Variants in RIMS1 observed in about 807,000 individuals in gnomAD.
RIMS1 encodes regulating synaptic membrane exocytosis 1, also known as regulating synaptic membrane exocytosis protein 1.
A neutral mutation model predicts 214.1 loss-of-function variants in RIMS1; 83 were observed. That is an observed-to-expected ratio of 0.39 (90% confidence interval 0.32 to 0.47). The LOEUF (loss-of-function observed/expected upper bound fraction) is 0.47. Ranked by LOEUF, RIMS1 falls within the 20% of genes least tolerant of loss-of-function variation. RIMS1 has a pLI of 0.99. For missense variants in RIMS1, 2,050 were observed against 2,161.8 expected (o/e 0.95, Z 1.03); for synonymous variants, 793 against 786.8 (o/e 1.01, Z -0.13).
intron 29 of RIMS1, among the ~76,000 whole-genome samples, chr6:72,345,610 G>T (rs17746814): frequency 0.19 from 29,127 of 151,636 alleles, 3,469 homozygotes; most frequent in Middle Eastern, 0.27. Flanking sequence ...CTTTTTGATA[G>T]AGATTTTTTA....
chr6:72,290,536 C>T, intron 24 of RIMS1, 143 bp from the exon 25 acceptor site: 1 of 684,990 alleles, frequency 1.5e-6, no homozygotes, highest in Non-Finnish European at 2.4e-6. Context: ...ATTTGAATTC[C>T]ATTTCAATAA....
intron 2 of RIMS1, among the ~76,000 whole-genome samples, chr6:72,091,192 C>A (rs953253337): frequency 6.6e-6 from 1 of 152,184 alleles, no homozygotes; most frequent in African/African-American, 2.4e-5. Context: ...AAAGCCCTCA[C>A]CTGCTCTCAG....
chr6:72,106,095 T>C (rs1459364080), intron 4 of RIMS1, among the ~76,000 whole-genome samples: 1 of 152,210 alleles, frequency 6.6e-6, no homozygotes, highest in East Asian at 1.9e-4. Flanking sequence ...ATTTAACAAA[T>C]ACATTTATTC....
At chr6:72,246,963 A>G (rs368815070) in intron 11 of RIMS1, among the ~76,000 whole-genome samples, 2 of 152,192 alleles carry the variant, frequency 1.3e-5, no homozygotes, top group East Asian at 3.9e-4. Context: ...AAAGGATGAC[A>G]TGAGAATTAA....
intron 1 of RIMS1, among the ~76,000 whole-genome samples, chr6:71,948,243 T>C (rs1035096997): frequency 6.6e-6 from 1 of 152,202 alleles, no homozygotes; most frequent in African/African-American, 2.4e-5. Context: ...GTTCTGATCA[T>C]TAGTGTTGTT....
rs76612296 is a variant in RIMS1 at position 72,301,219 on chromosome 6, C to T, written c.3851-6039C>T. Among the ~76,000 whole-genome samples, 519 of 151,696 alleles carry T rather than the reference C, an allele frequency of 3.4e-3. 1 individual carries two copies. The highest frequency in any genetic ancestry group is 0.014 in the Middle Eastern group (4 of 294). On this transcript the variant is annotated intron_variant, in intron 26 of 33. Transcript: ENST00000521978. ...AGGGAAAATGGGAAACTACTTGGAA[C>T]ATTTTTACACTTACAAGTTGAAAGG...
At chr6:72,217,308 C>T (rs1050834291) in intron 6 of RIMS1, 11 of 1,369,050 alleles carry the variant, frequency 8.0e-6, no homozygotes, top group African/African-American at 1.4e-5. Flanking sequence ...TTTAATTATC[C>T]AAAAGAGTAA....
At chr6:72,109,526 T>G (rs2153817999) in intron 4 of RIMS1, among the ~76,000 whole-genome samples, 1 of 152,206 alleles carries the variant, frequency 6.6e-6, no homozygotes, top group East Asian at 1.9e-4. Flanking sequence ...TTCATGTCCT[T>G]CGCCCACTTT....
At chr6:72,281,829 G>T (rs1410694478) in intron 23 of RIMS1, among the ~76,000 whole-genome samples, 2 of 151,804 alleles carry the variant, frequency 1.3e-5, no homozygotes, top group African/African-American at 4.8e-5. Flanking sequence ...TTCTTACCCT[G>T]GTTTACTTTT....
At chr6:72,389,719 C>T (rs192027890) in intron 29 of RIMS1, among the ~76,000 whole-genome samples, 45 of 152,144 alleles carry the variant, frequency 3.0e-4, no homozygotes, top group East Asian at 1.9e-4. Context: ...TTATATAGGA[C>T]GTATAGATGG....
chr6:72,054,147 A>G (rs1305118479), intron 2 of RIMS1, among the ~76,000 whole-genome samples: 1 of 151,240 alleles, frequency 6.6e-6, no homozygotes, highest in African/African-American at 2.4e-5. Flanking sequence ...CTCATTGTTC[A>G]TCTCCTACTT....
intron 22 of RIMS1, among the ~76,000 whole-genome samples, chr6:72,268,708 G>C (rs2081676530): frequency 6.6e-6 from 1 of 152,074 alleles, no homozygotes; most frequent in Non-Finnish European, 1.5e-5. Context: ...TTTGAATAAT[G>C]CATGTAAAAA....
intron 2 of RIMS1, among the ~76,000 whole-genome samples, chr6:72,064,005 G>C (rs531293961): frequency 6.6e-6 from 1 of 152,040 alleles, no homozygotes; most frequent in Non-Finnish European, 1.5e-5. Flanking sequence ...AAGGAGTCCA[G>C]TCATATTAAA....
rs570774068 is a variant in RIMS1 at position 72,291,612 on chromosome 6, A to G, written c.3738-322A>G. Among the ~76,000 whole-genome samples, 6 of 152,276 alleles carry G rather than the reference A, an allele frequency of 3.9e-5. No individual in the cohort carries two copies. The South Asian group carries it at 1.2e-3, about 32-fold the overall frequency. ...AGATCCAGAGGCTGTAATTAGATGT[A>G]TTTGGTTCAGTACTGCCAAAACTGA... On this transcript the variant is annotated intron_variant, in intron 25 of 33. Transcript: ENST00000521978.
intron 28 of RIMS1, among the ~76,000 whole-genome samples, chr6:72,328,203 A>T: frequency 6.6e-6 from 1 of 151,962 alleles, no homozygotes; most frequent in Non-Finnish European, 1.5e-5. Context: ...CTAACACAGG[A>T]ACAGAAAATC....
chr6:71,969,544 C>T (rs901866422), intron 2 of RIMS1, among the ~76,000 whole-genome samples: 2 of 152,152 alleles, frequency 1.3e-5, no homozygotes, highest in Admixed American at 1.3e-4. Flanking sequence ...CACGGTGGCT[C>T]ATGCCCGTAA....
At chr6:71,903,990 T>G (rs1447379489) in intron 1 of RIMS1, among the ~76,000 whole-genome samples, 1 of 152,182 alleles carries the variant, frequency 6.6e-6, no homozygotes, top group African/African-American at 2.4e-5. Context: ...TTATCCTTCC[T>G]CTTTTTCACA....
At chr6:72,095,196 C>A (rs1226400796) in intron 2 of RIMS1, among the ~76,000 whole-genome samples, 1 of 148,484 alleles carries the variant, frequency 6.7e-6, no homozygotes, top group Non-Finnish European at 1.5e-5. Flanking sequence ...ATCTCCTGAC[C>A]TCATGATCCG....
chr6:72,060,771 C>T (rs1219091031), intron 2 of RIMS1, among the ~76,000 whole-genome samples: 3 of 152,170 alleles, frequency 2.0e-5, no homozygotes, highest in Admixed American at 6.6e-5. Flanking sequence ...ATTTTTCTGA[C>T]TTTCAAATTA....
Sources: gnomAD v4.1 joint callset for allele counts (sites outside exome capture counted in the v4.1 genomes callset) on GRCh38, gnomAD v4.1.1 for gene constraint, MANE v1.5 for transcripts, NCBI Gene and HGNC (gene_info 2026-07-23, HGNC 2026-07-21) for gene names.